C8orf34: variants seen among roughly 807,000 people sequenced by gnomAD.
The protein encoded by C8orf34 is chromosome 8 open reading frame 34.
C8orf34 carries 65 observed loss-of-function variants against 68.3 expected under a neutral mutation model. The observed-to-expected ratio is 0.95, with a 90% confidence interval of 0.78 to 1.17. The LOEUF (loss-of-function observed/expected upper bound fraction) is 1.17, where lower values mean the gene tolerates loss of function less well. C8orf34 is among the 50% of genes most tolerant of loss of function. C8orf34 has a pLI of 0.00. For missense variants in C8orf34, 664 were observed against 655.4 expected (o/e 1.01, Z -0.14); for synonymous variants, 244 against 241.2 (o/e 1.01, Z -0.11).
chr8:68,698,935 C>T (rs1820911448), intron 8 of C8orf34, among the ~76,000 whole-genome samples: 1 of 152,084 alleles, frequency 6.6e-6, no homozygotes, highest in Non-Finnish European at 1.5e-5. Flanking sequence ...TGCAATACAA[C>T]TACCACAATG....
At chr8:68,748,630 GA>G (rs1822590905) in intron 10 of C8orf34, among the ~76,000 whole-genome samples, 2 of 152,134 alleles carry the variant, frequency 1.3e-5, no homozygotes, top group Admixed American at 6.5e-5. Context: ...AAAAACACAT[GA>G]AAAAATGCTC....
intron 10 of C8orf34, among the ~76,000 whole-genome samples, chr8:68,737,848 T>C (rs1257593245): frequency 6.6e-6 from 1 of 151,966 alleles, no homozygotes; most frequent in Non-Finnish European, 1.5e-5. Flanking sequence ...GCACTGACAG[T>C]TGTAAATAGA....
intron 8 of C8orf34, among the ~76,000 whole-genome samples, chr8:68,648,385 A>G (rs1261810034): frequency 6.6e-6 from 1 of 152,230 alleles, no homozygotes; most frequent in East Asian, 1.9e-4. Context: ...ATTTTGTTTT[A>G]ATATAACAGT....
chr8:68,615,027 A>G (rs1256547055), intron 7 of C8orf34, among the ~76,000 whole-genome samples: 1 of 151,204 alleles, frequency 6.6e-6, no homozygotes, highest in Non-Finnish European at 1.5e-5. Flanking sequence ...TTGGATTCCT[A>G]GGTATTTTAT....
chr8:68,668,770 C>T (rs938888811), intron 8 of C8orf34, among the ~76,000 whole-genome samples: 4 of 152,126 alleles, frequency 2.6e-5, no homozygotes, highest in Non-Finnish European at 5.9e-5. Context: ...GAGAAGGGCT[C>T]AAGGTGTCAT....
chr8:68,361,375 AC>A (rs1288449375), intron 1 of C8orf34, among the ~76,000 whole-genome samples: 1 of 152,086 alleles, frequency 6.6e-6, no homozygotes, highest in Non-Finnish European at 1.5e-5. Flanking sequence ...AGAGACTGTA[AC>A]CTCGGAGGAG....
chr8:68,636,689 C>T (rs141173667), intron 7 of C8orf34, among the ~76,000 whole-genome samples: 5 of 152,166 alleles, frequency 3.3e-5, no homozygotes, highest in East Asian at 3.9e-4. Flanking sequence ...TGAGAGATCC[C>T]GAGCTTCACT....
At chr8:68,334,869 C>T (rs953399187) in intron 1 of C8orf34, among the ~76,000 whole-genome samples, 7 of 152,188 alleles carry the variant, frequency 4.6e-5, no homozygotes, top group Admixed American at 4.6e-4. Context: ...GCCTGCATCA[C>T]TTATATATTT....
intron 8 of C8orf34, among the ~76,000 whole-genome samples, chr8:68,670,269 C>T (rs560335367): frequency 6.6e-6 from 1 of 152,290 alleles, no homozygotes; most frequent in South Asian, 2.1e-4. Flanking sequence ...CATGTCCCCC[C>T]AATCCTCAGT....
At chr8:68,709,989 A>T (rs1211496090) in intron 9 of C8orf34, among the ~76,000 whole-genome samples, 2 of 152,218 alleles carry the variant, frequency 1.3e-5, no homozygotes, top group East Asian at 3.9e-4. Flanking sequence ...ATTGAGAAGG[A>T]CATCTTCAAC....
intron 10 of C8orf34, among the ~76,000 whole-genome samples, chr8:68,730,207 A>T (rs1821941335): frequency 1.3e-5 from 2 of 152,148 alleles, no homozygotes; most frequent in South Asian, 4.1e-4. Flanking sequence ...ATTATGATGA[A>T]TTTTGTCCCT....
At chr8:68,587,944 A>T (rs1434284198) in intron 7 of C8orf34, among the ~76,000 whole-genome samples, 1 of 152,174 alleles carries the variant, frequency 6.6e-6, no homozygotes, top group Non-Finnish European at 1.5e-5. Flanking sequence ...AGATCAAAGG[A>T]TGCAAATCTG....
rs73683739 is a variant in C8orf34, at chr8:68,816,387, G to A, written c.1609+442G>A. 3.2e-3 allele frequency among the ~76,000 whole-genome samples: 493 copies of A among 152,144 alleles called. 1 individual carries two copies. The highest frequency in any genetic ancestry group is 0.011 in the African/African-American group (476 of 41,500). On this transcript the variant is annotated intron_variant, in intron 13 of 13. Transcript: ENST00000518698. The stretch of plus-strand genomic sequence containing the variant: ...AACAATTTCGTGTCCATGAATATGA[G>A]GCTACTTTATGAACTGGATACACAA...
intron 9 of C8orf34, among the ~76,000 whole-genome samples, chr8:68,716,986 T>TA (rs1821492969): frequency 6.6e-6 from 1 of 151,788 alleles, no homozygotes. Context: ...TTCTACTGTG[T>TA]AAATGTACAA....
At chr8:68,337,923 A>G (rs549454747) in intron 1 of C8orf34, among the ~76,000 whole-genome samples, 1 of 152,364 alleles carries the variant, frequency 6.6e-6, no homozygotes, top group African/African-American at 2.4e-5. Flanking sequence ...GTGCTGGAAC[A>G]TAAGAAAGAG....
intron 5 of C8orf34, among the ~76,000 whole-genome samples, chr8:68,492,560 A>G (rs908644299): frequency 1.3e-5 from 2 of 152,038 alleles, no homozygotes; most frequent in African/African-American, 4.8e-5. Context: ...AACAGTCTCC[A>G]TGTTGTGGCT....
intron 8 of C8orf34, among the ~76,000 whole-genome samples, chr8:68,647,236 CA>C (rs955742493): frequency 6.1e-4 from 92 of 152,022 alleles, no homozygotes; most frequent in African/African-American, 1.7e-3. Flanking sequence ...TTTAAAACCG[CA>C]AAAAGATATT....
intron 1 of C8orf34, among the ~76,000 whole-genome samples, chr8:68,337,448 T>A (rs542855621): frequency 6.6e-6 from 1 of 152,152 alleles, no homozygotes; most frequent in Non-Finnish European, 1.5e-5. Context: ...GTCATGAGGG[T>A]CAAGAGAGGC....
intron 1 of C8orf34, among the ~76,000 whole-genome samples, chr8:68,367,930 A>G (rs936520550): frequency 3.4e-5 from 5 of 149,176 alleles, no homozygotes; most frequent in Middle Eastern, 3.4e-3. Context: ...AAAAAAAAAA[A>G]AAAAAAAGAA....
Sources: gnomAD v4.1 joint callset for allele counts (sites outside exome capture counted in the v4.1 genomes callset) on GRCh38, gnomAD v4.1.1 for gene constraint, MANE v1.5 for transcripts, NCBI Gene and HGNC (gene_info 2026-07-23, HGNC 2026-07-21) for gene names.